MACROD2: variants seen among roughly 807,000 people sequenced by gnomAD.
The protein encoded by MACROD2 is ADP-ribose glycohydrolase MACROD2.
A neutral mutation model predicts 70.4 loss-of-function variants in MACROD2; 36 were observed. That is an observed-to-expected ratio of 0.51 (90% CI 0.39 to 0.68). MACROD2 has a LOEUF of 0.68. MACROD2 is among the 30% of genes least tolerant of loss of function. MACROD2 has a pLI of 0.00. For missense variants in MACROD2, 496 were observed against 538.4 expected, an observed-to-expected ratio of 0.92 and a Z score of 0.78; for synonymous variants, 172 against 178.8, an observed-to-expected ratio of 0.96 and a Z score of 0.30.
intron 15 of MACROD2, among the ~76,000 whole-genome samples, chr20:16,039,940 T>C (rs1452797224): frequency 2.0e-5 from 3 of 151,972 alleles, no homozygotes; most frequent in Non-Finnish European, 2.9e-5. Context: ...TTTCATACTA[T>C]GAATGTTACC....
intron 5 of MACROD2, among the ~76,000 whole-genome samples, chr20:15,123,320 T>C (rs944583929): frequency 1.3e-5 from 2 of 152,124 alleles, no homozygotes; most frequent in Non-Finnish European, 2.9e-5. Flanking sequence ...TTGTTTTTGG[T>C]GATAGCATAG....
chr20:14,125,621 A>G (rs575415675), intron 3 of MACROD2, among the ~76,000 whole-genome samples: 4 of 152,292 alleles, frequency 2.6e-5, no homozygotes, highest in African/African-American at 9.6e-5. Context: ...TACTCTATAC[A>G]TGCATGTACA....
intron 12 of MACROD2, among the ~76,000 whole-genome samples, chr20:15,964,055 AGGTGATAACTGTTTTACATGTTTTT>A (rs1261889510): frequency 6.6e-6 from 1 of 152,238 alleles, no homozygotes; most frequent in Non-Finnish European, 1.5e-5. Context: ...TCTCAGAATT[AGGTGATAACTGTTTTACATGTTTTT>A]GAACATTACC....
intron 3 of MACROD2, among the ~76,000 whole-genome samples, chr20:14,304,367 C>T (rs1008529476): frequency 3.3e-5 from 5 of 152,224 alleles, no homozygotes; most frequent in South Asian, 2.1e-4. Flanking sequence ...TCCATTCTGT[C>T]GCCAGAAGAC....
At chr20:14,865,090 C>T (rs932033680) in intron 5 of MACROD2, among the ~76,000 whole-genome samples, 1 of 152,072 alleles carries the variant, frequency 6.6e-6, no homozygotes, top group Non-Finnish European at 1.5e-5. Flanking sequence ...TGCTGTATCA[C>T]AGGGGAACAT....
At chr20:14,064,843 T>C (rs1463277682) in intron 2 of MACROD2, among the ~76,000 whole-genome samples, 1 of 152,182 alleles carries the variant, frequency 6.6e-6, no homozygotes, top group East Asian at 1.9e-4. Flanking sequence ...ATGAAGAACA[T>C]TTGTGAATAA....
Position 14,019,586 on chromosome 20 carries a change from T to C in MACROD2, c.163+17182T>C, listed in dbSNP as rs868755550. Among the ~76,000 whole-genome samples the C allele has an allele frequency of 2.6e-5, 4 of 152,006 alleles. No individual in the cohort carries two copies. The South Asian group carries it at 6.2e-4, about 24-fold the overall frequency. Reference sequence around the variant, plus strand: ...CTGCGCCTAGCTGGGTAGTGTTTTTTTGAAAGTAGTTTGGTGGGCAGGGAG... The same window carrying C: ...CTGCGCCTAGCTGGGTAGTGTTTTTCTGAAAGTAGTTTGGTGGGCAGGGAG... On this transcript the variant is annotated intron_variant, in intron 2 of 17. Transcript: ENST00000684519.
chr20:16,046,674 A>ATTTT (rs1491359046), intron 17 of MACROD2, among the ~76,000 whole-genome samples: 1 of 124,680 alleles, frequency 8.0e-6, no homozygotes, highest in African/African-American at 3.2e-5. Context: ...AGGTGTCAAA[A>ATTTT]CTTTTTTTTT....
chr20:14,495,487 T>C (rs2084843412), intron 4 of MACROD2, among the ~76,000 whole-genome samples: 1 of 152,190 alleles, frequency 6.6e-6, no homozygotes, highest in Non-Finnish European at 1.5e-5. Flanking sequence ...CATGTAGTCT[T>C]TTATTCCAAG....
At chr20:14,021,165 A>G (rs1421302318) in intron 2 of MACROD2, among the ~76,000 whole-genome samples, 2 of 151,486 alleles carry the variant, frequency 1.3e-5, no homozygotes, top group African/African-American at 2.4e-5. Flanking sequence ...AATTTTTTGT[A>G]TTTTTAGTAG....
Position 14,467,437 on chromosome 20 carries a change from C to A in MACROD2, c.272-26042C>A, listed in dbSNP as rs992650888. On this transcript the variant is annotated intron_variant, in intron 3 of 17. Coordinates refer to ENST00000684519, the MANE Select transcript of MACROD2 (RefSeq NM_001351661.2). The stretch of plus-strand genomic sequence containing the variant: ...CGATTTTCCAGGTGCCATCTGTCAC[C>A]CCTTTCTTTGACTAGGAAAAGGAAT... 2.4e-4 allele frequency among the ~76,000 whole-genome samples: 36 copies of A among 152,194 alleles called. 1 individual carries two copies. Among genetic ancestry groups the A allele is most frequent in the African/African-American group, 7.5e-4 (31 of 41,492 alleles).
chr20:14,744,386 A>C (rs1423379851), intron 5 of MACROD2, among the ~76,000 whole-genome samples: 1 of 152,220 alleles, frequency 6.6e-6, no homozygotes, highest in Non-Finnish European at 1.5e-5. Flanking sequence ...GTTTGGAAGT[A>C]TATGTACCTT....
At chr20:15,192,042 CTATCTATCTA>C (rs2076575752) in intron 5 of MACROD2, among the ~76,000 whole-genome samples, 2 of 151,280 alleles carry the variant, frequency 1.3e-5, no homozygotes, top group South Asian at 4.2e-4. Flanking sequence ...ATCTATCTAT[CTATCTATCTA>C]TCTATCTATC....
intron 8 of MACROD2, among the ~76,000 whole-genome samples, chr20:15,576,672 T>A (rs2048452873): frequency 1.3e-5 from 2 of 151,416 alleles, no homozygotes; most frequent in African/African-American, 4.9e-5. Context: ...CAAGATAGAG[T>A]GGAAAAGAAA....
At chr20:15,487,434 A>G (rs2047176626) in intron 7 of MACROD2, among the ~76,000 whole-genome samples, 1 of 152,204 alleles carries the variant, frequency 6.6e-6, no homozygotes, top group South Asian at 2.1e-4. Context: ...TAATTATATC[A>G]TATAATGTAC....
intron 6 of MACROD2, among the ~76,000 whole-genome samples, chr20:15,397,290 TC>T (rs1568775488): frequency 6.6e-6 from 1 of 152,202 alleles, no homozygotes; most frequent in Non-Finnish European, 1.5e-5. Flanking sequence ...TTTTCTTTTT[TC>T]TTTTTAATTT....
At chr20:14,719,005 G>A (rs551397473) in intron 5 of MACROD2, among the ~76,000 whole-genome samples, 20 of 152,148 alleles carry the variant, frequency 1.3e-4, no homozygotes, top group Admixed American at 6.5e-5. Context: ...AGGCTGAGGC[G>A]GGCAGATCAC....
chr20:15,770,840 A>G (rs2051612265), intron 8 of MACROD2, among the ~76,000 whole-genome samples: 1 of 152,092 alleles, frequency 6.6e-6, no homozygotes, highest in African/African-American at 2.4e-5. Context: ...TCCTCCTGGC[A>G]AACAATACAA....
chr20:14,925,787 T>C (rs2074223372), intron 5 of MACROD2, among the ~76,000 whole-genome samples: 1 of 152,218 alleles, frequency 6.6e-6, no homozygotes, highest in African/African-American at 2.4e-5. Context: ...TGCATTCGAA[T>C]TGGTACCTTA....
Sources: allele counts gnomAD v4.1 joint callset (sites outside exome capture counted in the v4.1 genomes callset), GRCh38; gene constraint gnomAD v4.1.1; transcripts MANE v1.5; gene names NCBI Gene and HGNC (gene_info 2026-07-23, HGNC 2026-07-21).